The following PPTC7 variants were observed in gnomAD, a reference collection of about 807,000 sequenced individuals.
The protein encoded by PPTC7 is protein phosphatase PTC7 homolog.
PPTC7 carries 6 observed loss-of-function variants against 30.8 expected under a neutral mutation model. The observed-to-expected ratio is 0.19, with a 90% CI of 0.11 to 0.38. The LOEUF (loss-of-function observed/expected upper bound fraction) is 0.38. Among genes scored for constraint, PPTC7 ranks in the 10% least tolerant of loss-of-function variants. The pLI, the probability that PPTC7 is intolerant of heterozygous loss-of-function variation, is 1.00. For synonymous variants in PPTC7, 163 were observed against 168.1 expected (o/e 0.97, Z 0.23); for missense variants, 218 against 404.8 (o/e 0.54, Z 3.96).
At chr12:110,552,625 G>A (rs972591905) in intron 1 of PPTC7, among the ~76,000 whole-genome samples, 1 of 152,250 alleles carries the variant, frequency 6.6e-6, no homozygotes, top group Non-Finnish European at 1.5e-5. Context: ...AGCACTCTGG[G>A]AGGCCGAGGC....
intron 4 of PPTC7, among the ~76,000 whole-genome samples, chr12:110,538,726 C>G (rs1346115409): frequency 1.3e-5 from 2 of 152,212 alleles, no homozygotes; most frequent in East Asian, 3.9e-4. Flanking sequence ...TTGGGCCATA[C>G]CTTTATCCTT....
At chr12:110,577,715 A>AG (rs2064601383) in intron 1 of PPTC7, among the ~76,000 whole-genome samples, 1 of 49,664 alleles carries the variant, frequency 2.0e-5, no homozygotes. Flanking sequence ...TTAGGTTTCA[A>AG]GTTTAAGCTT....
intron 3 of PPTC7, among the ~76,000 whole-genome samples, chr12:110,541,004 T>C (rs1188059534): frequency 6.6e-6 from 1 of 150,886 alleles, no homozygotes; most frequent in African/African-American, 2.4e-5. Flanking sequence ...CTTGATCTCC[T>C]GACCTCGTGA....
At chr12:110,555,066 T>G (rs1565921092) in intron 1 of PPTC7, among the ~76,000 whole-genome samples, 1 of 152,228 alleles carries the variant, frequency 6.6e-6, no homozygotes, top group East Asian at 1.9e-4. Flanking sequence ...ATGTATTTGG[T>G]ACAAAAGTAG....
chr12:110,580,003 A>C (rs2135800263), intron 1 of PPTC7, among the ~76,000 whole-genome samples: 1 of 151,866 alleles, frequency 6.6e-6, no homozygotes, highest in South Asian at 2.1e-4. Flanking sequence ...ACAAGAGCGA[A>C]ACTCCATACC....
rs1323225811 is a variant in PPTC7, at chr12:110,546,077, A to C, written c.405T>G (p.Gly135=). Residue 135 remains glycine (G), a splice_region_variant and synonymous_variant, in exon 3 of 6, where the codon GGT becomes GGG. Transcript: ENST00000354300. The stretch of plus-strand genomic sequence containing the variant: ...GCACCACAATGCAGGCGGTGCTGCT[A>C]CCTAGAAACAAAAATCATCTCCATT... ...ELLQNKVPLL[G]SSTACIVVLD... The C allele has an allele frequency of 3.7e-6, 6 of 1,612,470 alleles. No individual in the cohort carries two copies. The highest frequency in any genetic ancestry group is 5.1e-6 in the Non-Finnish European group (6 of 1,178,872).
chr12:110,553,612 C>T (rs569071585), intron 1 of PPTC7, among the ~76,000 whole-genome samples: 1 of 151,916 alleles, frequency 6.6e-6, no homozygotes, highest in African/African-American at 2.4e-5. Context: ...GTCCCTGACT[C>T]TACTAAAAAT....
chr12:110,576,471 G>A (rs2064589781), intron 1 of PPTC7, among the ~76,000 whole-genome samples: 2 of 152,196 alleles, frequency 1.3e-5, no homozygotes, highest in South Asian at 4.2e-4. Flanking sequence ...GAAACAACTC[G>A]ATGGCCATCA....
intron 1 of PPTC7, among the ~76,000 whole-genome samples, chr12:110,575,853 A>G (rs557211822): frequency 7.2e-5 from 11 of 152,356 alleles, no homozygotes; most frequent in African/African-American, 2.6e-4. Context: ...AAGGAAAAGT[A>G]GCTCTGAAGC....
chr12:110,577,586 T>C (rs1406623038), intron 1 of PPTC7, among the ~76,000 whole-genome samples: 1 of 152,216 alleles, frequency 6.6e-6, no homozygotes, highest in Non-Finnish European at 1.5e-5. Flanking sequence ...TCATATGATC[T>C]TTACACCTCA....
rs115733859 is a variant in PPTC7 at position 110,559,164 on chromosome 12, C to T, written c.224-7196G>A. ...TCAGCCTCCAGAGTAGCTATGACTA[C>T]AGGAATGCACCAACACACACAACTC... On this transcript the variant is annotated intron_variant, in intron 1 of 5. Coordinates refer to ENST00000354300, the MANE Select transcript of PPTC7 (RefSeq NM_139283.2). Among the ~76,000 whole-genome samples the T allele has an allele frequency of 2.3e-3, 353 of 152,192 alleles. 2 individuals are homozygous for T. The highest frequency in any genetic ancestry group is 7.8e-3 in the African/African-American group (326 of 41,534).
At chr12:110,550,107 A>T (rs2064338771) in intron 2 of PPTC7, among the ~76,000 whole-genome samples, 1 of 152,164 alleles carries the variant, frequency 6.6e-6, no homozygotes, top group Non-Finnish European at 1.5e-5. Context: ...TTAGTTAATC[A>T]CAGCACAAAG....
At position 110,583,233 on chromosome 12, in the gene PPTC7, A is replaced by T. The variant is rs2064655757; in HGVS notation, c.-202T>A. ...CGCGCACCGGAGCCAGAGCGAGGTC[A>T]GAAGCGGCGGCTCCTCCGCCTCAGC... On this transcript the variant is annotated 5_prime_UTR_variant, in exon 1 of 6. An upstream open reading frame in the 5' UTR loses its in-frame stop. Coordinates refer to ENST00000354300, the MANE Select transcript of PPTC7 (RefSeq NM_139283.2). The T allele has an allele frequency of 5.2e-6, 1 of 190,846 alleles. No homozygotes were observed. The highest frequency in any genetic ancestry group is 1.0e-5 in the Non-Finnish European group (1 of 97,070). 11.8% of individuals were successfully genotyped at this position (190,846 alleles called of 1,614,324 possible).
intron 1 of PPTC7, among the ~76,000 whole-genome samples, chr12:110,580,774 C>A (rs777194049): frequency 1.3e-5 from 2 of 151,748 alleles, no homozygotes; most frequent in Admixed American, 1.3e-4. Flanking sequence ...TTTTTTGAGA[C>A]GGAGTCTCGC....
Position 110,535,266 on chromosome 12 carries a change from C to G in PPTC7, c.*1771G>C, listed in dbSNP as rs995593629. On this transcript the variant is annotated 3_prime_UTR_variant, in exon 6 of 6. Coordinates refer to ENST00000354300, the MANE Select transcript of PPTC7 (RefSeq NM_139283.2). ...AGTTAGGGTAGTTAAGGCATTCTGA[C>G]ATGTAATTAAAGGTGATTCAAAATA... 2 of 150,802 alleles carry G rather than the reference C, an allele frequency of 1.3e-5. No individual in the cohort carries two copies. The highest frequency in any genetic ancestry group is 3.0e-5 in the Non-Finnish European group (2 of 67,678). 9.3% of individuals were successfully genotyped at this position (150,802 alleles called of 1,614,324 possible).
chr12:110,575,583 T>A (rs751044001), intron 1 of PPTC7, among the ~76,000 whole-genome samples: 19 of 98,504 alleles, frequency 1.9e-4, no homozygotes, highest in Non-Finnish European at 3.1e-4. Context: ...GGGTACAGCC[T>A]CCTCCCATGC....
At chr12:110,575,328 A>T (rs923970671) in intron 1 of PPTC7, among the ~76,000 whole-genome samples, 1 of 152,094 alleles carries the variant, frequency 6.6e-6, no homozygotes, top group Non-Finnish European at 1.5e-5. Context: ...CATTTTCCTA[A>T]AACTTCTGAA....
At chr12:110,582,664 A>G in intron 1 of PPTC7, 145 bp downstream of exon 1, 1 of 692,912 alleles carries the variant, frequency 1.4e-6, no homozygotes, top group Non-Finnish European at 2.3e-6. Flanking sequence ...AGCGCTTGGC[A>G]CGGCGCCTGG....
At chr12:110,553,119 G>T (rs1168003712) in intron 1 of PPTC7, among the ~76,000 whole-genome samples, 2 of 151,440 alleles carry the variant, frequency 1.3e-5, no homozygotes, top group Admixed American at 1.3e-4. Flanking sequence ...GGAAGTGGAG[G>T]TTGCGGTGAG....
Sources: allele counts gnomAD v4.1 joint callset (sites outside exome capture counted in the v4.1 genomes callset), GRCh38; gene constraint gnomAD v4.1.1; transcripts MANE v1.5; gene names NCBI Gene and HGNC (gene_info 2026-07-23, HGNC 2026-07-21).